Variants in HROB observed in about 807,000 individuals in gnomAD.
The protein encoded by HROB is homologous recombination factor with OB-fold, also known as homologous recombination OB-fold protein.
Under a neutral mutation model 61.0 loss-of-function variants are expected in HROB, and 44 were observed. That is an observed-to-expected ratio of 0.72 (90% CI 0.57 to 0.93). The LOEUF (loss-of-function observed/expected upper bound fraction) is 0.93. Among genes scored for constraint, HROB ranks in the 40% least tolerant of loss-of-function variants. The pLI is 0.00. For synonymous variants in HROB, 301 were observed against 310.4 expected (o/e 0.97, Z 0.32); for missense variants, 716 against 796.2 (o/e 0.90, Z 1.21).
chr17:44,146,304 C>T (rs2053609921), intron 2 of HROB, among the ~76,000 whole-genome samples: 1 of 152,208 alleles, frequency 6.6e-6, no homozygotes, highest in Admixed American at 6.5e-5. Flanking sequence ...TCTGCCTCGG[C>T]CTCCCAAAGT....
At position 44,147,869 on chromosome 17, in the gene HROB, T is replaced by C; in HGVS notation, c.66T>C (p.Ser22=). The C allele has an allele frequency of 6.2e-7, 1 of 1,610,482 alleles. No individual in the cohort carries two copies. Among genetic ancestry groups the C allele is most frequent in the Non-Finnish European group, 8.5e-7 (1 of 1,177,250 alleles). ...EEEFEDEDFL[S]AVEDAENRFT... ...CTGCTTCCTTGTAGGATTTCTTGTC[T>C]GCTGTGGAGGATGCAGAGAACCGGT... The change falls in exon 3 of 10, where the codon TCT becomes TCC. Residue 22 remains serine (S), a synonymous_variant. Transcript: ENST00000585683.
chr17:44,149,540 C>T (rs573116840), intron 3 of HROB, among the ~76,000 whole-genome samples: 61 of 152,286 alleles, frequency 4.0e-4, no homozygotes, highest in Non-Finnish European at 7.4e-4. Flanking sequence ...TGAGCCACCA[C>T]GCCTGACCCT....
At chr17:44,156,218 A>T (rs1378383771) in intron 8 of HROB, among the ~76,000 whole-genome samples, 2 of 147,612 alleles carry the variant, frequency 1.4e-5, no homozygotes, top group African/African-American at 5.0e-5. Context: ...CCACTTCTAA[A>T]CCCTTTCTTT....
At chr17:44,146,119 G>A (rs1001171753) in intron 2 of HROB, among the ~76,000 whole-genome samples, 5 of 151,996 alleles carry the variant, frequency 3.3e-5, no homozygotes, top group African/African-American at 2.4e-5. Context: ...GCACAATCAC[G>A]GCTCACTGCA....
chr17:44,160,180 C>CA (rs1236015459), intron 9 of HROB, among the ~76,000 whole-genome samples: 1 of 152,226 alleles, frequency 6.6e-6, no homozygotes, highest in African/African-American at 2.4e-5. Flanking sequence ...TCACTTCTCA[C>CA]AATGTGCCTT....
rs112273266 is a variant in HROB at position 44,150,915 on chromosome 17, A to G, written c.1225-46A>G. ...AGACAATAAGCTGTACTTGTAAATA[A>G]CAGCTGCTAAGCTTGCTCTCATCTT... On this transcript the variant is annotated intron_variant, in intron 3 of 9. Coordinates refer to ENST00000585683, the MANE Select transcript of HROB (RefSeq NM_001171251.3). 5 of 1,491,196 alleles carry G rather than the reference A, an allele frequency of 3.4e-6. No homozygotes were observed. In the East Asian group the frequency reaches 9.0e-5, roughly 27 times the overall value. The allele number at this position is 1,491,196 out of a possible 1,614,324, so 92.4% of individuals were successfully genotyped here.
At chr17:44,147,393 A>G (rs943977167) in intron 2 of HROB, among the ~76,000 whole-genome samples, 3 of 145,728 alleles carry the variant, frequency 2.1e-5, no homozygotes, top group South Asian at 2.2e-4. Flanking sequence ...AGACACCACT[A>G]TTGGCTTTCA....
chr17:44,149,403 C>T (rs1295596442), intron 3 of HROB, among the ~76,000 whole-genome samples: 1 of 152,086 alleles, frequency 6.6e-6, no homozygotes. Context: ...CCCCCGCCAC[C>T]ATGCCTGGCT....
chr17:44,142,686 T>C (rs1222297428), intron 1 of HROB, among the ~76,000 whole-genome samples: 1 of 152,052 alleles, frequency 6.6e-6, no homozygotes, highest in East Asian at 1.9e-4. Context: ...AGGAACTGGC[T>C]ACAGCAGCCC....
Position 44,162,042 on chromosome 17 carries a change from G to T in HROB, c.*110G>T, listed in dbSNP as rs78810099. 7.9e-7 allele frequency: 1 copy of T among 1,273,694 alleles called. No individual in the cohort carries two copies. 78.9% of individuals were successfully genotyped at this position (1,273,694 alleles called of 1,614,324 possible). ...GCATGATTGGAGAGTGGACACAGCC[G>T]GGGGGCTTCTGTGGTTGCTCCCACC... On this transcript the variant is annotated 3_prime_UTR_variant, in exon 10 of 10. Transcript: ENST00000585683.
At chr17:44,143,484 A>G (rs2053520048) in intron 1 of HROB, among the ~76,000 whole-genome samples, 1 of 152,070 alleles carries the variant, frequency 6.6e-6, no homozygotes, top group Non-Finnish European at 1.5e-5. Flanking sequence ...TCAACTAAAA[A>G]TACAAAAAAA....
chr17:44,152,431 A>G (rs2053841191), intron 4 of HROB, among the ~76,000 whole-genome samples: 1 of 152,080 alleles, frequency 6.6e-6, no homozygotes, highest in African/African-American at 2.4e-5. Flanking sequence ...CAATCAGAAA[A>G]AAAAAAAAGA....
intron 1 of HROB, among the ~76,000 whole-genome samples, chr17:44,143,812 G>GT (rs2053530859): frequency 6.6e-6 from 1 of 152,082 alleles, no homozygotes; most frequent in African/African-American, 2.4e-5. Flanking sequence ...GCAAGACCCT[G>GT]TCTCAAAACA....
intron 4 of HROB, among the ~76,000 whole-genome samples, chr17:44,152,358 G>C (rs2053838332): frequency 1.3e-5 from 2 of 151,042 alleles, no homozygotes; most frequent in African/African-American, 4.9e-5. Context: ...GAAAAAAAAA[G>C]AGTATCTGCT....
chr17:44,147,044 T>TGA (rs1318796996), intron 2 of HROB, among the ~76,000 whole-genome samples: 1 of 122,646 alleles, frequency 8.2e-6, no homozygotes, highest in Non-Finnish European at 1.6e-5. Flanking sequence ...TGTGTGTGTG[T>TGA]GTGTGAGAGA....
At chr17:44,145,181 A>G in intron 1 of HROB, 22 bp from the exon 2 acceptor site, 3 of 1,613,562 alleles carry the variant, frequency 1.9e-6, no homozygotes, top group Non-Finnish European at 2.5e-6. Flanking sequence ...TCTCAACCCC[A>G]GTTGGTTTTT....
Position 44,142,128 on chromosome 17 carries a change from C to T in HROB, c.-15C>T, listed in dbSNP as rs1344964167. 2.4e-5 allele frequency: 36 copies of T among 1,529,762 alleles called. No homozygotes were observed. Among genetic ancestry groups the T allele is most frequent in the Non-Finnish European group, 2.4e-5 (27 of 1,143,918 alleles). 94.8% of individuals were successfully genotyped at this position (1,529,762 alleles called of 1,614,324 possible). A position where few individuals can be genotyped will look rare whatever the true frequency, so the allele number is the denominator to read the frequency against. ...GCCGGGCCAACCTCCCCGCCGAGGCCCACCCGCCGTCGCTATGGTAATGCC... is the reference window on the plus strand; with the variant it reads ...GCCGGGCCAACCTCCCCGCCGAGGCTCACCCGCCGTCGCTATGGTAATGCC... On this transcript the variant is annotated 5_prime_UTR_variant, in exon 1 of 10. Coordinates refer to ENST00000585683, the MANE Select transcript of HROB (RefSeq NM_001171251.3).
intron 1 of HROB, 55 bp from the exon 2 acceptor site, chr17:44,145,148 A>G: frequency 6.3e-7 from 1 of 1,586,896 alleles, no homozygotes; most frequent in Non-Finnish European, 8.7e-7. Flanking sequence ...GAGTGAGGAC[A>G]GAATGTGCTT....
Position 44,154,674 on chromosome 17 carries a change from T to A in HROB, c.1558+10T>A. On this transcript the variant is annotated intron_variant, in intron 6 of 9. Transcript: ENST00000585683. ...TTCAAGGACCCCACGGGTAAGGAAT[T>A]AGGTCCTAGGTTGTCTGGTGAGTGG... The A allele has an allele frequency of 6.2e-7, 1 of 1,613,162 alleles. No homozygotes were observed. Among genetic ancestry groups the A allele is most frequent in the Non-Finnish European group, 8.5e-7 (1 of 1,179,208 alleles).
Sources: gnomAD v4.1 joint callset for allele counts (sites outside exome capture counted in the v4.1 genomes callset) on GRCh38, gnomAD v4.1.1 for gene constraint, MANE v1.5 for transcripts, NCBI Gene and HGNC (gene_info 2026-07-23, HGNC 2026-07-21) for gene names.